Variants in IQSEC1 observed in about 807,000 individuals in gnomAD.
The protein encoded by IQSEC1 is IQ motif and SEC7 domain-containing protein 1.
Under a neutral mutation model 91.0 loss-of-function variants are expected in IQSEC1, and 31 were observed. That is an observed-to-expected ratio of 0.34 (90% confidence interval 0.26 to 0.46). The LOEUF (loss-of-function observed/expected upper bound fraction) is 0.46. IQSEC1 is among the 20% of genes least tolerant of loss of function. The probability of loss-of-function intolerance (pLI) is 1.00; values close to 1 mark genes in which losing one functional copy is unlikely to be tolerated. For missense variants in IQSEC1, 1,388 were observed against 1,575.6 expected, an observed-to-expected ratio of 0.88 and a Z score of 2.02; for synonymous variants, 699 against 662.6, an observed-to-expected ratio of 1.05 and a Z score of -0.84.
rs575167706 is a variant in IQSEC1 at position 13,008,715 on chromosome 3, C to T, written c.23+64277G>A. Among the ~76,000 whole-genome samples the T allele has an allele frequency of 1.7e-3, 254 of 152,264 alleles. 2 individuals carry two copies. The highest frequency in any genetic ancestry group is 3.4e-3 in the Middle Eastern group (1 of 294). On this transcript the variant is annotated intron_variant, in intron 1 of 13. Transcript: ENST00000613206. This position sits in a 1 kb window ranked among gnomAD's most constrained non-coding sequence, Gnocchi z 4.1. ...ACGCTGGTGTCCTCACTGCTTTGAGCGGTGCTGGGCACACAGTCAATATTA... is the reference window on the plus strand; with the variant it reads ...ACGCTGGTGTCCTCACTGCTTTGAGTGGTGCTGGGCACACAGTCAATATTA...
chr3:13,134,872 T>A (rs1281090038), intron 2 of IQSEC1, among the ~76,000 whole-genome samples: 1 of 152,078 alleles, frequency 6.6e-6, no homozygotes, highest in African/African-American at 2.4e-5. Flanking sequence ...GAGGGTGTCC[T>A]CTGGGGGTCA....
intron 2 of IQSEC1, among the ~76,000 whole-genome samples, chr3:12,937,536 C>G (rs187046708): frequency 6.6e-6 from 1 of 152,236 alleles, no homozygotes; most frequent in Non-Finnish European, 1.5e-5. Flanking sequence ...GGCCAGGTGC[C>G]TGAGTTCTAA....
intron 1 of IQSEC1, among the ~76,000 whole-genome samples, chr3:13,203,078 A>C (rs1391950907): frequency 1.3e-5 from 2 of 152,148 alleles, no homozygotes; most frequent in Non-Finnish European, 2.9e-5. Flanking sequence ...CTTTGAGCCA[A>C]CACAAGGCAC....
At chr3:12,952,259 A>C (rs1171177399) in intron 1 of IQSEC1, among the ~76,000 whole-genome samples, 1 of 152,128 alleles carries the variant, frequency 6.6e-6, no homozygotes, top group Non-Finnish European at 1.5e-5. Context: ...GCCCAACCTC[A>C]GGCTCCAAAC....
At chr3:12,941,088 G>A (rs1698706214) in intron 2 of IQSEC1, among the ~76,000 whole-genome samples, 1 of 152,210 alleles carries the variant, frequency 6.6e-6, no homozygotes, top group African/African-American at 2.4e-5. Context: ...GCCTCCCCTG[G>A]CTGGCTGCCG....
Position 12,900,703 on chromosome 3 carries a change from T to G in IQSEC1, c.*280A>C. 3 of 1,375,718 alleles carry G rather than the reference T, an allele frequency of 2.2e-6. No homozygotes were observed. Among genetic ancestry groups the G allele is most frequent in the Non-Finnish European group, 2.8e-6 (3 of 1,064,272 alleles). The allele number at this position is 1,375,718 out of a possible 1,614,324, so 85.2% of individuals were successfully genotyped here. On this transcript the variant is annotated 3_prime_UTR_variant, in exon 14 of 14. Coordinates refer to ENST00000613206, the MANE Select transcript of IQSEC1 (RefSeq NM_001134382.3). ...GTGGGGGAGGCAGTTCAACACTACT[T>G]GGCTGGCTCACCGTTTCAAGGCTGA...
chr3:13,089,368 C>T (rs1705797689), intron 2 of IQSEC1, among the ~76,000 whole-genome samples: 1 of 152,124 alleles, frequency 6.6e-6, no homozygotes. Context: ...TTACTTGAGC[C>T]CAGGAGTTTG....
Position 12,901,048 on chromosome 3 carries a change from G to GCTGCC in IQSEC1, c.3275_3279dup (p.Pro1094GlyfsTer28). The GCTGCC allele has an allele frequency of 6.5e-7, 1 of 1,541,832 alleles. No individual in the cohort carries two copies. The highest frequency in any genetic ancestry group is 8.7e-7 in the Non-Finnish European group (1 of 1,145,830). ...CTGGTGGGGGGCGGCGGGGCAGGGG[G>GCTGCC]CTGCCCATGGTGGTGCACTGTGTGC... On this transcript the variant is annotated frameshift_variant, in exon 14 of 14. Transcript: ENST00000613206. LOFTEE classifies it high-confidence loss of function.
chr3:13,058,099 C>A (rs185327925), intron 1 of IQSEC1, among the ~76,000 whole-genome samples: 1 of 152,124 alleles, frequency 6.6e-6, no homozygotes, highest in Admixed American at 6.5e-5. Context: ...ATGGTGAAAC[C>A]CTGTCTCAAC....
chr3:13,054,061 G>A (rs965119969), intron 1 of IQSEC1, among the ~76,000 whole-genome samples: 1 of 152,192 alleles, frequency 6.6e-6, no homozygotes, highest in African/African-American at 2.4e-5. Context: ...CGGTCTGGAA[G>A]CATTCCTCCC....
rs574212915 is a variant in IQSEC1, at chr3:12,922,856, C to T, written c.1731-614G>A. ...CCCTGCCCCGGCACACCCTTCCAGTCCCTCCTATGGTGACCCCTGAACAGA... is the reference window on the plus strand; with the variant it reads ...CCCTGCCCCGGCACACCCTTCCAGTTCCTCCTATGGTGACCCCTGAACAGA... On this transcript the variant is annotated intron_variant, in intron 4 of 13. Transcript: ENST00000613206. This position sits in a 1 kb window ranked among gnomAD's most constrained non-coding sequence, Gnocchi z 5.1. 5.3e-5 allele frequency among the ~76,000 whole-genome samples: 8 copies of T among 152,248 alleles called. No individual in the cohort carries two copies. The East Asian group carries it at 1.4e-3, about 26-fold the overall frequency.
At chr3:12,905,411 T>C (rs905810883) in intron 12 of IQSEC1, among the ~76,000 whole-genome samples, 5 of 152,146 alleles carry the variant, frequency 3.3e-5, no homozygotes, top group African/African-American at 1.2e-4. Context: ...TCAGTGACCA[T>C]AACAGAAATG....
chr3:13,120,464 C>T (rs1056311455), intron 2 of IQSEC1, among the ~76,000 whole-genome samples: 5 of 152,186 alleles, frequency 3.3e-5, no homozygotes, highest in Admixed American at 3.3e-4. Flanking sequence ...TGTGTGCCCT[C>T]AGTCAGGAAA....
Position 12,908,002 on chromosome 3 carries a change from G to C in IQSEC1, c.2755+347C>G, listed in dbSNP as rs936447958. On this transcript the variant is annotated intron_variant, in intron 12 of 13. Transcript: ENST00000613206. This position sits in a 1 kb window ranked among gnomAD's most constrained non-coding sequence, Gnocchi z 4.9. ...TGAAGCACAGGGACGCGGCCGCACA[G>C]AGAGCACGGGACACAGCCGCCGGCT... is the stretch of plus-strand genomic sequence containing the variant. Among the ~76,000 whole-genome samples, 3 of 152,208 alleles carry C rather than the reference G, an allele frequency of 2.0e-5. No individual in the cohort carries two copies. The highest frequency in any genetic ancestry group is 7.2e-5 in the African/African-American group (3 of 41,446).
intron 1 of IQSEC1, among the ~76,000 whole-genome samples, chr3:13,191,202 G>C (rs1694023894): frequency 6.6e-6 from 1 of 152,206 alleles, no homozygotes; most frequent in African/African-American, 2.4e-5. Flanking sequence ...GACAGTCTGT[G>C]CCTGGTGCTC....
intron 2 of IQSEC1, among the ~76,000 whole-genome samples, chr3:13,112,133 T>C (rs1459554070): frequency 2.0e-5 from 3 of 152,160 alleles, no homozygotes; most frequent in Non-Finnish European, 4.4e-5. Context: ...ACCTGAACTG[T>C]CACCTCCCCT....
chr3:13,002,019 G>A (rs1480596499), intron 1 of IQSEC1, among the ~76,000 whole-genome samples: 9 of 152,156 alleles, frequency 5.9e-5, no homozygotes, highest in Non-Finnish European at 1.3e-4. Flanking sequence ...GTTGCAGTGA[G>A]CTGAGATCTA....
At chr3:13,159,198 G>A (rs192610432) in intron 2 of IQSEC1, among the ~76,000 whole-genome samples, 4 of 152,286 alleles carry the variant, frequency 2.6e-5, no homozygotes, top group African/African-American at 9.6e-5. Context: ...GGGAGGTTGA[G>A]GCAAGCGGAT....
In IQSEC1 at chr3:13,265,596, C is replaced by G. The variant is rs1476551805; in HGVS notation, c.272+17115G>C. 2.6e-5 allele frequency among the ~76,000 whole-genome samples: 4 copies of G among 152,158 alleles called. No individual in the cohort carries two copies. In the East Asian group the frequency reaches 7.7e-4, roughly 29 times the overall value. ...GTCCAGGCTGGGTGGGACAGTTCCT[C>G]CAGGTTACCAGGTTACAGGCTTCTG... On this transcript the variant is annotated intron_variant, in intron 1 of 15. Coordinates refer to the IQSEC1 transcript ENST00000648114.
Sources: allele counts gnomAD v4.1 joint callset (sites outside exome capture counted in the v4.1 genomes callset), GRCh38; gene constraint gnomAD v4.1.1; non-coding constraint Gnocchi (gnomAD v3.1); transcripts MANE v1.5; gene names NCBI Gene and HGNC (gene_info 2026-07-23, HGNC 2026-07-21).